CHRDL1: variants seen among roughly 807,000 people sequenced by gnomAD.
CHRDL1 encodes chordin-like protein 1.
A neutral mutation model predicts 40.9 loss-of-function variants in CHRDL1; 19 were observed. The ratio of observed to expected loss-of-function variants is 0.46; its 90% confidence interval spans 0.32 to 0.68. CHRDL1 has a LOEUF of 0.68. CHRDL1 is among the 30% of genes least tolerant of loss of function. CHRDL1 has a pLI of 0.03. For missense variants in CHRDL1, 329 were observed against 352.1 expected, an observed-to-expected ratio of 0.93 and a Z score of 0.53; for synonymous variants, 136 against 123.4, an observed-to-expected ratio of 1.10 and a Z score of -0.68.
intron 4 of CHRDL1, among the ~76,000 whole-genome samples, chrX:110,751,089 A>T (rs774426860): frequency 1.6e-4 from 18 of 111,362 alleles, no homozygotes; most frequent in Non-Finnish European, 3.0e-4. Context: ...ATTAACTGGG[A>T]TGCTTGTGTG....
chrX:110,732,507 C>T (rs1248885358), intron 4 of CHRDL1, among the ~76,000 whole-genome samples: 5 of 111,976 alleles, frequency 4.5e-5, no homozygotes, highest in East Asian at 2.8e-4. Flanking sequence ...CTCCAGCTGG[C>T]GAGAAGAGAG....
At chrX:110,775,886 C>T (rs1179625015) in intron 2 of CHRDL1, among the ~76,000 whole-genome samples, 11 of 110,212 alleles carry the variant, frequency 1.0e-4, no homozygotes, top group Admixed American at 9.7e-4. Flanking sequence ...AATTATACTT[C>T]GTTTAAGAAA....
At chrX:110,717,345 G>A (rs907779989) in intron 6 of CHRDL1, among the ~76,000 whole-genome samples, 1 of 112,138 alleles carries the variant, frequency 8.9e-6, no homozygotes, top group African/African-American at 3.2e-5. Context: ...AGAGAGCACA[G>A]GAACAATGCA....
At chrX:110,725,067 C>T (rs1376913640) in intron 4 of CHRDL1, among the ~76,000 whole-genome samples, 1 of 111,715 alleles carries the variant, frequency 9.0e-6, no homozygotes, top group East Asian at 2.8e-4. Context: ...TCTAACCTCC[C>T]CCATCTCTTC....
intron 4 of CHRDL1, among the ~76,000 whole-genome samples, chrX:110,733,017 T>A (rs1175718836): frequency 1.8e-5 from 2 of 112,277 alleles, no homozygotes; most frequent in African/African-American, 6.5e-5. Context: ...AGAAGCAACA[T>A]ACAACAAAGT....
chrX:110,700,772 A>G, intron 6 of CHRDL1, 51 bp from the exon 7 acceptor site: 1 of 843,053 alleles, frequency 1.2e-6, no homozygotes, highest in African/African-American at 2.0e-5. Flanking sequence ...TAAAAGGGAA[A>G]GTTATCACCC....
intron 6 of CHRDL1, among the ~76,000 whole-genome samples, chrX:110,705,176 C>A (rs1209618167): frequency 7.6e-5 from 8 of 105,717 alleles, no homozygotes; most frequent in African/African-American, 2.7e-4. Flanking sequence ...ATACTAATAC[C>A]CTGTAACACA....
rs753849410 is a variant in CHRDL1, at chrX:110,713,175, T to C, written c.541+6660A>G. On this transcript the variant is annotated intron_variant, in intron 6 of 11. Transcript: ENST00000372042. ...TGACTAGGTCAACCCCTCTCAATTA[T>C]TGGCTTTTATAACAACTTTCCTTTG... is the stretch of plus-strand genomic sequence containing the variant. Among the ~76,000 whole-genome samples the C allele has an allele frequency of 2.1e-4, 23 of 111,575 alleles. 1 individual carries two copies. In the South Asian group the frequency reaches 2.3e-3, roughly 11 times the overall value.
chrX:110,682,451 C>T (rs2069921295), intron 9 of CHRDL1, among the ~76,000 whole-genome samples: 1 of 112,247 alleles, frequency 8.9e-6, no homozygotes, highest in Non-Finnish European at 1.9e-5. Context: ...TTTCCTCAGT[C>T]CCCTGTTTTA....
chrX:110,691,995 G>A (rs187138630), intron 8 of CHRDL1, among the ~76,000 whole-genome samples: 4 of 109,988 alleles, frequency 3.6e-5, no homozygotes, highest in African/African-American at 1.3e-4. Context: ...CACACAGTAT[G>A]CTTCAAGAAA....
At chrX:110,697,986 C>A (rs1458154463) in intron 7 of CHRDL1, among the ~76,000 whole-genome samples, 1 of 111,117 alleles carries the variant, frequency 9.0e-6, no homozygotes, top group African/African-American at 3.3e-5. Flanking sequence ...CATATTTGAA[C>A]CACTGGTTCC....
chrX:110,697,174 GA>G (rs926270251), intron 7 of CHRDL1, among the ~76,000 whole-genome samples: 1 of 110,879 alleles, frequency 9.0e-6, no homozygotes, highest in Non-Finnish European at 1.9e-5. Flanking sequence ...TTGAAAGACT[GA>G]AAAATATTTC....
At chrX:110,740,295 C>A (rs1369737547) in intron 4 of CHRDL1, among the ~76,000 whole-genome samples, 1 of 112,712 alleles carries the variant, frequency 8.9e-6, no homozygotes, top group Non-Finnish European at 1.9e-5. Flanking sequence ...CTTCCAGGCA[C>A]ATGGTAGTAT....
chrX:110,707,892 C>T (rs779294599), intron 6 of CHRDL1, among the ~76,000 whole-genome samples: 5 of 111,547 alleles, frequency 4.5e-5, no homozygotes, highest in Admixed American at 9.5e-5. Context: ...TGCAATCTAT[C>T]TATCTGACAA....
rs372909773 is a variant in CHRDL1 at position 110,676,042 on chromosome X, T to C, written c.*189A>G. ...TAATTTAAGACTCTTCTAGTCTCTT[T>C]GGAGGAGATGTTCAAGGGCTGACAC... On this transcript the variant is annotated 3_prime_UTR_variant, in exon 12 of 12. Transcript: ENST00000372042. 2.4e-5 allele frequency: 9 copies of C among 371,690 alleles called. No individual in the cohort carries two copies. The highest frequency in any genetic ancestry group is 2.2e-4 in the East Asian group (5 of 23,240). 30.6% of individuals were successfully genotyped at this position (371,690 alleles called of 1,213,427 possible).
At chrX:110,710,312 G>T (rs1476234722) in intron 6 of CHRDL1, among the ~76,000 whole-genome samples, 1 of 112,037 alleles carries the variant, frequency 8.9e-6, no homozygotes, top group Non-Finnish European at 1.9e-5. Flanking sequence ...GGAATTCCTT[G>T]AAGGAGTTAG....
intron 4 of CHRDL1, among the ~76,000 whole-genome samples, chrX:110,748,232 A>G (rs1425337386): frequency 8.9e-6 from 1 of 112,169 alleles, no homozygotes; most frequent in African/African-American, 3.2e-5. Context: ...TCTTTCTAAT[A>G]AAGCTATGTT....
At chrX:110,762,430 C>T (rs1234907242) in intron 3 of CHRDL1, among the ~76,000 whole-genome samples, 1 of 111,357 alleles carries the variant, frequency 9.0e-6, no homozygotes, top group Admixed American at 9.6e-5. Context: ...GCATGTGCCA[C>T]CATGCCCAGC....
chrX:110,705,342 CATAT>C (rs10551965), intron 6 of CHRDL1, among the ~76,000 whole-genome samples: 3 of 46,909 alleles, frequency 6.4e-5, no homozygotes, highest in African/African-American at 1.5e-4. Context: ...TATATATACA[CATAT>C]ATATATATAC....
Sources: allele counts gnomAD v4.1 joint callset (sites outside exome capture counted in the v4.1 genomes callset), GRCh38; gene constraint gnomAD v4.1.1; transcripts MANE v1.5; gene names NCBI Gene and HGNC (gene_info 2026-07-23, HGNC 2026-07-21).